PTPRM: variants seen among roughly 807,000 people sequenced by gnomAD.
PTPRM encodes protein tyrosine phosphatase receptor type M, also known as receptor-type tyrosine-protein phosphatase mu.
Under a neutral mutation model 186.7 loss-of-function variants are expected in PTPRM, and 47 were observed. The observed-to-expected ratio is 0.25, with a 90% CI of 0.20 to 0.32. PTPRM has a LOEUF of 0.32. Ranked by LOEUF, PTPRM falls within the 10% of genes least tolerant of loss-of-function variation. PTPRM has a pLI of 1.00. For synonymous variants in PTPRM, 668 were observed against 674.9 expected, an observed-to-expected ratio of 0.99 and a Z score of 0.16; for missense variants, 1,494 against 1,865.0, an observed-to-expected ratio of 0.80 and a Z score of 3.66.
At chr18:7,931,252 T>A (rs2051466367) in intron 5 of PTPRM, among the ~76,000 whole-genome samples, 1 of 152,016 alleles carries the variant, frequency 6.6e-6, no homozygotes, top group African/African-American at 2.4e-5. Context: ...TTTTTTGCTA[T>A]CAACTTTCCG....
At chr18:8,078,731 G>T (rs139681112) in intron 9 of PTPRM, among the ~76,000 whole-genome samples, 1 of 152,328 alleles carries the variant, frequency 6.6e-6, no homozygotes, top group East Asian at 1.9e-4. Flanking sequence ...CATGGCACTT[G>T]CATCTGCTCC....
chr18:7,581,342 T>C (rs886362217), intron 1 of PTPRM, among the ~76,000 whole-genome samples: 3 of 152,128 alleles, frequency 2.0e-5, no homozygotes, highest in Non-Finnish European at 2.9e-5. Flanking sequence ...TACAACTCAC[T>C]CCTGTGATTG....
At chr18:8,313,770 G>C (rs1379917519) in intron 20 of PTPRM, among the ~76,000 whole-genome samples, 3 of 152,002 alleles carry the variant, frequency 2.0e-5, no homozygotes, top group African/African-American at 7.2e-5. Flanking sequence ...AGTCCTCAAA[G>C]TCCACTGTAT....
intron 19 of PTPRM, among the ~76,000 whole-genome samples, chr18:8,279,753 C>G (rs2094880247): frequency 6.6e-6 from 1 of 152,168 alleles, no homozygotes; most frequent in Non-Finnish European, 1.5e-5. Context: ...GTGTATCCAG[C>G]ACTGACTCTC....
chr18:7,946,664 C>G (rs1011498008), intron 5 of PTPRM, among the ~76,000 whole-genome samples: 2 of 152,040 alleles, frequency 1.3e-5, no homozygotes, highest in Non-Finnish European at 2.9e-5. Flanking sequence ...TTGATGCTGT[C>G]TATGAGAACA....
Position 8,394,427 on chromosome 18 carries a change from G to T in PTPRM, c.4209-49G>T. 3 of 1,535,790 alleles carry T rather than the reference G, an allele frequency of 2.0e-6. No homozygotes were observed. In the South Asian group the frequency reaches 3.8e-5, roughly 19 times the overall value. ...TTGTTTCCACAGGTGTTTGCAAGAT[G>T]CAGTGTAAAGACAGACCGAGTGCAG... On this transcript the variant is annotated intron_variant, in intron 31 of 32. Coordinates refer to ENST00000580170, the MANE Select transcript of PTPRM (RefSeq NM_001105244.2).
chr18:8,065,393 C>T (rs1193449401), intron 7 of PTPRM, among the ~76,000 whole-genome samples: 1 of 152,104 alleles, frequency 6.6e-6, no homozygotes, highest in Non-Finnish European at 1.5e-5. Flanking sequence ...CTCAAGCTGG[C>T]AGAAAAAGAA....
intron 7 of PTPRM, among the ~76,000 whole-genome samples, chr18:8,030,713 A>G (rs2085909239): frequency 6.6e-6 from 1 of 152,262 alleles, no homozygotes; most frequent in African/African-American, 2.4e-5. Flanking sequence ...TCAACTTTAC[A>G]GATAATCCAA....
At chr18:7,845,117 T>G (rs1379747758) in intron 2 of PTPRM, among the ~76,000 whole-genome samples, 1 of 152,202 alleles carries the variant, frequency 6.6e-6, no homozygotes, top group Admixed American at 6.5e-5. Flanking sequence ...TTAACACGTT[T>G]CTGAGATTTT....
chr18:8,240,620 A>AGGGG (rs1411308384), intron 14 of PTPRM, among the ~76,000 whole-genome samples: 1 of 5,122 alleles, frequency 2.0e-4, no homozygotes, highest in African/African-American at 1.2e-3. Context: ...AGAGGGAGGG[A>AGGGG]GAGAGAGAGA....
In PTPRM at chr18:8,200,757, C is replaced by T. The variant is rs191232384; in HGVS notation, c.2301-43301C>T. On this transcript the variant is annotated intron_variant, in intron 14 of 32. Coordinates refer to ENST00000580170, the MANE Select transcript of PTPRM (RefSeq NM_001105244.2). The stretch of plus-strand genomic sequence containing the variant: ...CAAAAAATTGCCATATACCTTTTAC[C>T]CAGATTCCCCAATTATTAAAATTTC... Among the ~76,000 whole-genome samples, 5 of 152,154 alleles carry T rather than the reference C, an allele frequency of 3.3e-5. No individual in the cohort carries two copies. In the East Asian group the frequency reaches 9.7e-4, roughly 29 times the overall value.
chr18:8,259,569 G>T (rs1252817740), intron 19 of PTPRM, among the ~76,000 whole-genome samples: 1 of 148,978 alleles, frequency 6.7e-6, no homozygotes, highest in East Asian at 2.0e-4. Flanking sequence ...TTTATTTGCT[G>T]CCTTTGTCTA....
chr18:8,392,694 G>A lies in PTPRM; in HGVS notation c.4209-1782G>A, dbSNP rs146951255. On this transcript the variant is annotated intron_variant, in intron 31 of 32. Transcript: ENST00000580170. ...TGCAGAGTTGATGCAGGGATAGTGC[G>A]GGATGAGCCTGGACCATTATGTGGT... 5.8e-3 allele frequency among the ~76,000 whole-genome samples: 890 copies of A among 152,154 alleles called. 10 individuals are homozygous for A. Among genetic ancestry groups the A allele is most frequent in the Admixed American group, 0.03 (459 of 15,284 alleles).
intron 14 of PTPRM, among the ~76,000 whole-genome samples, chr18:8,199,775 G>C (rs370380918): frequency 1.4e-4 from 21 of 152,218 alleles, no homozygotes; most frequent in African/African-American, 4.8e-4. Context: ...TTTTGCATCT[G>C]TCAAATGCCT....
intron 13 of PTPRM, among the ~76,000 whole-genome samples, chr18:8,138,712 G>T (rs747208078): frequency 1.3e-5 from 2 of 152,080 alleles, no homozygotes; most frequent in African/African-American, 4.8e-5. Context: ...GGTTCTGCGC[G>T]CTGGTCTCAC....
At chr18:8,080,928 A>G (rs963195170) in intron 9 of PTPRM, among the ~76,000 whole-genome samples, 1 of 152,174 alleles carries the variant, frequency 6.6e-6, no homozygotes, top group African/African-American at 2.4e-5. Flanking sequence ...AGCTCTGCCT[A>G]TCTTTCAGTA....
chr18:8,183,972 T>G (rs1165351727), intron 14 of PTPRM, among the ~76,000 whole-genome samples: 6 of 152,204 alleles, frequency 3.9e-5, no homozygotes, highest in Non-Finnish European at 7.3e-5. Context: ...CTTAGACTTC[T>G]GTGTTCTATC....
rs531809097 is a variant in PTPRM at position 7,702,094 on chromosome 18, A to G, written c.74-72055A>G. ...GTGCCACATTTTCTTTATCCTGTCT[A>G]TCATTGATGGGCATTTGGGTTGGTT... On this transcript the variant is annotated intron_variant, in intron 1 of 32. Transcript: ENST00000580170. Among the ~76,000 whole-genome samples the G allele has an allele frequency of 2.0e-5, 3 of 152,244 alleles. No homozygotes were observed. In the East Asian group the frequency reaches 5.8e-4, roughly 29 times the overall value.
intron 14 of PTPRM, among the ~76,000 whole-genome samples, chr18:8,220,710 G>A (rs1297407422): frequency 3.3e-5 from 5 of 152,310 alleles, no homozygotes; most frequent in African/African-American, 1.2e-4. Flanking sequence ...TTTGACACCT[G>A]TGTCTGTAAT....
Sources: gnomAD v4.1 joint callset for allele counts (sites outside exome capture counted in the v4.1 genomes callset) on GRCh38, gnomAD v4.1.1 for gene constraint, MANE v1.5 for transcripts, NCBI Gene and HGNC (gene_info 2026-07-23, HGNC 2026-07-21) for gene names.